The following GPHN variants were observed in gnomAD, a reference collection of about 807,000 sequenced individuals.
GPHN encodes the protein gephyrin.
Under a neutral mutation model 95.5 loss-of-function variants are expected in GPHN, and 17 were observed. The ratio of observed to expected loss-of-function variants is 0.18; its 90% CI spans 0.12 to 0.27. GPHN has a LOEUF of 0.27. Among genes scored for constraint, GPHN ranks in the 10% least tolerant of loss-of-function variants. The pLI, the probability that GPHN is intolerant of heterozygous loss-of-function variation, is 1.00. For synonymous variants in GPHN, 320 were observed against 322.5 expected (o/e 0.99, Z 0.08); for missense variants, 660 against 978.1 (o/e 0.67, Z 4.34).
chr14:67,458,135 C>A, the GPHN span, among the ~76,000 whole-genome samples: 1 of 152,170 alleles, frequency 6.6e-6, no homozygotes, highest in Admixed American at 6.5e-5. Context: ...CTCGCTCACC[C>A]GTCCCAGGCT....
the GPHN span, among the ~76,000 whole-genome samples, chr14:67,644,475 T>TGG: frequency 6.6e-6 from 1 of 152,168 alleles, no homozygotes; most frequent in African/African-American, 2.4e-5. Context: ...CCAACCAGTG[T>TGG]GGGACATGGC....
At chr14:67,552,437 T>C in the GPHN span, among the ~76,000 whole-genome samples, 7 of 152,176 alleles carry the variant, frequency 4.6e-5, no homozygotes, top group Admixed American at 1.3e-4. Flanking sequence ...AAAGTGAATA[T>C]GAAATGCTTT....
intron 3 of GPHN, among the ~76,000 whole-genome samples, chr14:66,794,740 A>G (rs972518027): frequency 5.3e-5 from 8 of 152,134 alleles, no homozygotes; most frequent in African/African-American, 1.9e-4. Context: ...AATTATTAAC[A>G]TTTGATCTTG....
the GPHN span, chr14:67,734,053 T>C: frequency 6.5e-6 from 3 of 462,394 alleles, no homozygotes; most frequent in Non-Finnish European, 1.2e-5. Context: ...TGGACACCTA[T>C]AGAGTGTTCT....
intron 1 of GPHN, among the ~76,000 whole-genome samples, chr14:66,644,767 A>G (rs951061271): frequency 3.9e-5 from 6 of 152,174 alleles, no homozygotes; most frequent in East Asian, 1.9e-4. Context: ...TGCCAGTAAA[A>G]GACAGATAAG....
At chr14:67,617,754 C>T in the GPHN span, among the ~76,000 whole-genome samples, 5 of 152,072 alleles carry the variant, frequency 3.3e-5, no homozygotes, top group East Asian at 1.9e-4. Flanking sequence ...GAGTTTTGCT[C>T]TTGGTGCCCA....
the GPHN span, among the ~76,000 whole-genome samples, chr14:67,278,341 CTTT>C: frequency 1.4e-5 from 2 of 138,260 alleles, no homozygotes; most frequent in Non-Finnish European, 1.6e-5. Flanking sequence ...CGGCCCAATT[CTTT>C]TTTTTTTTTT....
chr14:67,657,888 A>G, the GPHN span, among the ~76,000 whole-genome samples: 1 of 151,670 alleles, frequency 6.6e-6, no homozygotes, highest in East Asian at 1.9e-4. Context: ...AACTGGGATT[A>G]CAGGCACCCG....
the GPHN span, chr14:67,364,623 A>G: frequency 1.3e-6 from 1 of 777,510 alleles, no homozygotes; most frequent in East Asian, 2.9e-5. Flanking sequence ...GGTACCACTT[A>G]AGAAGTTTCA....
intron 5 of GPHN, among the ~76,000 whole-genome samples, chr14:66,912,800 A>G (rs1448950359): frequency 2.6e-5 from 4 of 152,162 alleles, no homozygotes; most frequent in African/African-American, 7.2e-5. Context: ...ATTATGTACT[A>G]GATTATACTG....
chr14:67,652,880 A>T, the GPHN span, among the ~76,000 whole-genome samples: 2 of 151,320 alleles, frequency 1.3e-5, no homozygotes, highest in Non-Finnish European at 2.9e-5. Flanking sequence ...TGCAACCTCC[A>T]CCCCCCAGGT....
intron 9 of GPHN, among the ~76,000 whole-genome samples, chr14:67,000,088 G>A (rs2072111590): frequency 6.6e-6 from 1 of 151,816 alleles, no homozygotes; most frequent in South Asian, 2.1e-4. Flanking sequence ...TAATGCTTAA[G>A]AACTTCTAGC....
At chr14:67,411,887 G>A in the GPHN span, 16 of 820,094 alleles carry the variant, frequency 2.0e-5, no homozygotes, top group Admixed American at 1.0e-4. Context: ...CAGGCGGCCC[G>A]GTCCCACCAT....
intron 2 of GPHN, among the ~76,000 whole-genome samples, chr14:66,685,012 T>G (rs1300438955): frequency 6.6e-6 from 1 of 152,236 alleles, no homozygotes; most frequent in Admixed American, 6.5e-5. Context: ...TGTTTTTTTG[T>G]ACTTGGGATG....
At position 67,113,088 on chromosome 14, in the gene GPHN, A is replaced by G; in HGVS notation, c.1543A>G (p.Ile515Val). ...AKGTHMGPSEIGLLATVGVTE... is the reference protein window; with the variant it reads ...AKGTHMGPSEVGLLATVGVTE... ...AGGAACCCACATGGGCCCCTCAGAG[A>G]TTGGTCTTCTGGCAACTGTAGGTGT... The change falls in exon 16 of 23, where the codon ATT becomes GTT. Residue 515 changes from isoleucine to valine, a missense_variant. Around this residue, in one of 6 missense-constraint regions of GPHN, gnomAD observed 257 missense variants for 376.2 expected, o/e 0.68. Coordinates refer to ENST00000478722, the MANE Select transcript of GPHN (RefSeq NM_020806.5). The G allele has an allele frequency of 6.2e-7, 1 of 1,613,776 alleles. No individual in the cohort carries two copies. Among genetic ancestry groups the G allele is most frequent in the Non-Finnish European group, 8.5e-7 (1 of 1,179,722 alleles).
At chr14:67,479,848 C>G in the GPHN span, among the ~76,000 whole-genome samples, 3 of 152,176 alleles carry the variant, frequency 2.0e-5, no homozygotes, top group African/African-American at 4.8e-5. Flanking sequence ...AAAATTATTG[C>G]AGGCTCTTCC....
the GPHN span, chr14:67,685,005 A>G: frequency 6.3e-7 from 1 of 1,596,700 alleles, no homozygotes; most frequent in Non-Finnish European, 8.5e-7. Flanking sequence ...AAAAGAGATA[A>G]CATTCATACC....
At chr14:66,700,162 A>G (rs2153413994) in intron 2 of GPHN, among the ~76,000 whole-genome samples, 1 of 152,318 alleles carries the variant, frequency 6.6e-6, no homozygotes, top group East Asian at 1.9e-4. Context: ...TCTGTAGAGG[A>G]TATTCAAAGA....
chr14:66,820,157 T>A (rs893857447), intron 3 of GPHN, among the ~76,000 whole-genome samples: 2 of 152,156 alleles, frequency 1.3e-5, no homozygotes, highest in Admixed American at 6.5e-5. Flanking sequence ...ACTATTACAT[T>A]TCTTCCCACC....
Sources: gnomAD v4.1 joint callset for allele counts (sites outside exome capture counted in the v4.1 genomes callset) on GRCh38, gnomAD v4.1.1 for gene constraint, gnomAD v4.1.1 regional missense constraint, MANE v1.5 for transcripts, NCBI Gene and HGNC (gene_info 2026-07-23, HGNC 2026-07-21) for gene names.